Variants in PAXBP1 observed in about 807,000 individuals in gnomAD.
PAXBP1 encodes the protein PAX3- and PAX7-binding protein 1.
A neutral mutation model predicts 119.9 loss-of-function variants in PAXBP1; 44 were observed. The ratio of observed to expected loss-of-function variants is 0.37; its 90% CI spans 0.29 to 0.47. The LOEUF (loss-of-function observed/expected upper bound fraction) is 0.47, where lower values mean the gene tolerates loss of function less well. PAXBP1 is among the 20% of genes least tolerant of loss of function. The pLI is 0.99. For synonymous variants in PAXBP1, 393 were observed against 406.6 expected (o/e 0.97, Z 0.40); for missense variants, 898 against 1,134.1 (o/e 0.79, Z 2.99).
intron 2 of PAXBP1, among the ~76,000 whole-genome samples, chr21:32,767,185 T>C (rs1337000582): frequency 1.3e-5 from 2 of 152,200 alleles, no homozygotes; most frequent in African/African-American, 2.4e-5. Flanking sequence ...ATTTTAAGAA[T>C]ATCAGAAAAA....
intron 6 of PAXBP1, 46 bp from the exon 7 acceptor site, chr21:32,759,315 T>C (rs1732652111): frequency 6.4e-7 from 1 of 1,555,962 alleles, no homozygotes; most frequent in Non-Finnish European, 8.8e-7. Context: ...CATCCAAAGG[T>C]CTATGGTGTC....
chr21:32,739,798 C>A (rs940829445), intron 15 of PAXBP1, among the ~76,000 whole-genome samples: 2 of 151,336 alleles, frequency 1.3e-5, no homozygotes, highest in African/African-American at 4.9e-5. Flanking sequence ...CCCAGCTACT[C>A]GGAAGGCTGA....
intron 2 of PAXBP1, among the ~76,000 whole-genome samples, chr21:32,764,838 A>T (rs941190610): frequency 1.3e-5 from 2 of 152,216 alleles, no homozygotes; most frequent in African/African-American, 4.8e-5. Flanking sequence ...ACAATTTATC[A>T]AAATTAACTG....
intron 3 of PAXBP1, among the ~76,000 whole-genome samples, chr21:32,762,728 G>A (rs2044170269): frequency 1.3e-5 from 2 of 151,794 alleles, no homozygotes; most frequent in Admixed American, 6.6e-5. Flanking sequence ...AGACCAGCCT[G>A]GCCAACATGG....
At chr21:32,741,596 C>A (rs2043786304) in intron 15 of PAXBP1, 2 of 762,524 alleles carry the variant, frequency 2.6e-6, no homozygotes, top group Non-Finnish European at 4.8e-6. Context: ...TGGGGCAGGA[C>A]CCTCTCTGGA....
intron 7 of PAXBP1, among the ~76,000 whole-genome samples, chr21:32,758,464 CA>C (rs2044078970): frequency 6.6e-6 from 1 of 150,556 alleles, no homozygotes; most frequent in Non-Finnish European, 1.5e-5. Context: ...TAAATGTAAA[CA>C]ATAAATAGTA....
chr21:32,759,411 CTTTT>C, intron 6 of PAXBP1, 142 bp from the exon 7 acceptor site: 1 of 897,908 alleles, frequency 1.1e-6, no homozygotes. Flanking sequence ...CTCTGTACTG[CTTTT>C]TTTCTCAAAA....
intron 3 of PAXBP1, among the ~76,000 whole-genome samples, 185 bp downstream of exon 3, chr21:32,764,163 T>G (rs1340800874): frequency 6.6e-6 from 1 of 152,206 alleles, no homozygotes; most frequent in African/African-American, 2.4e-5. Context: ...TGAATAAACT[T>G]GGAAAAGTTG....
intron 7 of PAXBP1, among the ~76,000 whole-genome samples, chr21:32,758,854 G>A (rs1480415933): frequency 9.2e-5 from 14 of 151,998 alleles, no homozygotes; most frequent in Admixed American, 9.2e-4. Context: ...TTATTTAAAT[G>A]TGCTTTAAGA....
Position 32,734,961 on chromosome 21 carries a change from C to T in PAXBP1, c.2743G>A (p.Glu915Lys), listed in dbSNP as rs143512881. 3.7e-6 allele frequency: 6 copies of T among 1,612,436 alleles called. No individual in the cohort carries two copies. The highest frequency in any genetic ancestry group is 2.2e-5 in the East Asian group (1 of 44,806). The change falls in exon 18 of 18, where the codon GAA becomes AAA. Residue 915 changes from glutamate (E) to lysine (K), a missense_variant. By Grantham distance (56) the Glu-to-Lys change is moderately conservative. Coordinates refer to ENST00000331923, the MANE Select transcript of PAXBP1 (RefSeq NM_016631.4). ...TCAGTCTCATAGATCTATTTTCCTT[C>T]GATCAAAGACTTAAATTCTTTCACA... is the stretch of plus-strand genomic sequence containing the variant. The part of the protein sequence containing the change: ...HNVKEFKSLI[E>K]GK
Position 32,743,713 on chromosome 21 carries a change from T to C in PAXBP1, c.2232A>G (p.Leu744=). Residue 744 remains leucine (L), a synonymous_variant, in exon 14 of 18, where the codon TTA becomes TTG. Coordinates refer to ENST00000331923, the MANE Select transcript of PAXBP1 (RefSeq NM_016631.4). Reference sequence around the variant, plus strand: ...ATAAGGGCATAAATACATCATCATCTAAAGTTCTTCTCATTCTCAATAAAA... The same window carrying C: ...ATAAGGGCATAAATACATCATCATCCAAAGTTCTTCTCATTCTCAATAAAA... The part of the protein sequence containing the change: ...KALLLRMRRT[L]DDDVFMPLYP... 6.3e-7 allele frequency: 1 copy of C among 1,595,620 alleles called. No individual in the cohort carries two copies. Among genetic ancestry groups the C allele is most frequent in the Non-Finnish European group, 8.6e-7 (1 of 1,166,626 alleles).
At chr21:32,757,678 T>C (rs2044065975) in intron 7 of PAXBP1, among the ~76,000 whole-genome samples, 1 of 152,204 alleles carries the variant, frequency 6.6e-6, no homozygotes, top group South Asian at 2.1e-4. Flanking sequence ...TCAAGAAAGT[T>C]CCGAAGCAAG....
intron 8 of PAXBP1, among the ~76,000 whole-genome samples, chr21:32,752,616 T>G (rs938971268): frequency 7.9e-5 from 12 of 152,234 alleles, no homozygotes; most frequent in African/African-American, 2.4e-4. Flanking sequence ...CAGAATATCC[T>G]AATTATCAGA....
chr21:32,748,826 T>C, intron 10 of PAXBP1, 128 bp from the exon 11 acceptor site: 1 of 721,516 alleles, frequency 1.4e-6, no homozygotes, highest in Non-Finnish European at 2.2e-6. Flanking sequence ...AAGGGCCAAT[T>C]GTTAGTCACA....
intron 7 of PAXBP1, 87 bp from the exon 8 acceptor site, chr21:32,755,440 A>C: frequency 6.5e-7 from 1 of 1,537,834 alleles, no homozygotes; most frequent in South Asian, 1.2e-5. Context: ...GATTTCTGAA[A>C]AAGTACCCTC....
rs1184513656 is a variant in PAXBP1, at chr21:32,734,238, A to G, written c.*712T>C. The G allele has an allele frequency of 6.5e-6, 1 of 152,698 alleles. No individual in the cohort carries two copies. 9.5% of individuals were successfully genotyped at this position (152,698 alleles called of 1,614,324 possible). On this transcript the variant is annotated 3_prime_UTR_variant, in exon 18 of 18. Coordinates refer to ENST00000331923, the MANE Select transcript of PAXBP1 (RefSeq NM_016631.4). ...AAATCATGAATGAGACAGGACGGTC[A>G]GCCCAAAACCATGCAATTAGGTTGT...
chr21:32,746,004 C>A (rs900573461), intron 11 of PAXBP1, among the ~76,000 whole-genome samples: 1 of 152,184 alleles, frequency 6.6e-6, no homozygotes, highest in Non-Finnish European at 1.5e-5. Context: ...CTGACACGAA[C>A]AAGCAATGGG....
At chr21:32,771,265 G>A (rs1416019421) in intron 1 of PAXBP1, 61 bp downstream of exon 1, 6 of 1,443,862 alleles carry the variant, frequency 4.2e-6, no homozygotes, top group African/African-American at 2.9e-5. Context: ...TACGGGGGCG[G>A]GGGACGGGGG....
At chr21:32,766,520 T>A (rs1031667167) in intron 2 of PAXBP1, among the ~76,000 whole-genome samples, 1 of 152,330 alleles carries the variant, frequency 6.6e-6, no homozygotes, top group African/African-American at 2.4e-5. Flanking sequence ...GACAGGCTTC[T>A]CTTCATCAAA....
Sources: gnomAD v4.1 joint callset for allele counts (sites outside exome capture counted in the v4.1 genomes callset) on GRCh38, gnomAD v4.1.1 for gene constraint, MANE v1.5 for transcripts, NCBI Gene and HGNC (gene_info 2026-07-23, HGNC 2026-07-21) for gene names.